Variants in SGCD observed in about 807,000 individuals in gnomAD.
The protein encoded by SGCD is delta-sarcoglycan.
SGCD carries 18 observed loss-of-function variants against 36.6 expected under a neutral mutation model. That is an observed-to-expected ratio of 0.49 (90% confidence interval 0.34 to 0.73). The LOEUF is 0.73. SGCD is among the 30% of genes least tolerant of loss of function. SGCD has a pLI of 0.01. For missense variants in SGCD, 387 were observed against 346.7 expected (o/e 1.12, Z -0.92); for synonymous variants, 133 against 130.6 (o/e 1.02, Z -0.12).
At chr5:156,667,904 C>T (rs894264463) in intron 7 of SGCD, among the ~76,000 whole-genome samples, 1 of 152,198 alleles carries the variant, frequency 6.6e-6, no homozygotes, top group South Asian at 2.1e-4. Flanking sequence ...ACCAAAAATT[C>T]TCTTTCAATT....
At chr5:155,875,105 A>G (rs1755737853) in intron 1 of SGCD, among the ~76,000 whole-genome samples, 1 of 152,174 alleles carries the variant, frequency 6.6e-6, no homozygotes, top group Admixed American at 6.6e-5. Flanking sequence ...TGCAAGCAAT[A>G]GCATGGAGGA....
intron 1 of SGCD, among the ~76,000 whole-genome samples, chr5:155,927,766 G>T (rs1368293445): frequency 6.6e-6 from 1 of 152,130 alleles, no homozygotes; most frequent in Non-Finnish European, 1.5e-5. Context: ...TTGTCTCAGA[G>T]TAATCTTTGA....
At chr5:155,887,709 A>G (rs1200281735) in intron 1 of SGCD, among the ~76,000 whole-genome samples, 1 of 152,206 alleles carries the variant, frequency 6.6e-6, no homozygotes, top group African/African-American at 2.4e-5. Context: ...GATGCTAGCT[A>G]TTATAGTTAT....
intron 4 of SGCD, among the ~76,000 whole-genome samples, chr5:156,576,822 T>G (rs1441784279): frequency 1.3e-5 from 2 of 152,222 alleles, no homozygotes; most frequent in Non-Finnish European, 2.9e-5. Context: ...ATTAGCCTTT[T>G]GTTAGATGGG....
At chr5:156,402,209 T>A (rs934223725) in intron 3 of SGCD, among the ~76,000 whole-genome samples, 1 of 152,220 alleles carries the variant, frequency 6.6e-6, no homozygotes, top group Non-Finnish European at 1.5e-5. Context: ...CTGTTGTGCA[T>A]CATGTTGCTA....
Position 156,757,663 on chromosome 5 carries a change from AC to A in SGCD, c.660del (p.Cys221AlafsTer5). 1 of 1,609,480 alleles carries A rather than the reference AC, an allele frequency of 6.2e-7. No homozygotes were observed. Among genetic ancestry groups the A allele is most frequent in the Non-Finnish European group, 8.5e-7 (1 of 1,177,858 alleles). ...TGCAGAAGCTGGCAATATGGAAGCC[AC>A]CTGCAGGACAGAGCTGAGACTGGAA... Reference protein sequence around the residue: ...INAEAGNMEATCRTELRLESK... With the variant: ...INAEAGNMEAXCRTELRLESK... On this transcript the variant is annotated frameshift_variant, in exon 8 of 9. Transcript: ENST00000337851. LOFTEE classifies it high-confidence loss of function.
intron 4 of SGCD, among the ~76,000 whole-genome samples, chr5:156,528,062 G>T (rs1581121104): frequency 1.3e-5 from 2 of 152,168 alleles, no homozygotes; most frequent in African/African-American, 4.8e-5. Flanking sequence ...CTGTTTGTTT[G>T]TTTCCACTAT....
At chr5:156,004,035 CCATT>C (rs978266025) in intron 1 of SGCD, among the ~76,000 whole-genome samples, 3 of 152,128 alleles carry the variant, frequency 2.0e-5, no homozygotes, top group African/African-American at 7.2e-5. Context: ...TCAGAGAAGT[CCATT>C]CATATTTTGC....
chr5:156,012,290 A>G (rs1189804076), intron 1 of SGCD, among the ~76,000 whole-genome samples: 10 of 152,214 alleles, frequency 6.6e-5, no homozygotes, highest in Non-Finnish European at 1.5e-4. Flanking sequence ...ATTTGACTCC[A>G]TATCCTATCT....
At chr5:155,743,005 C>T in the SGCD span, among the ~76,000 whole-genome samples, 1 of 152,170 alleles carries the variant, frequency 6.6e-6, no homozygotes, top group East Asian at 1.9e-4. Context: ...TGGTTGGGGG[C>T]ACGGAGCTTC....
chr5:156,730,130 AGAATTTTTATTACCTTT>A (rs1755981497), intron 7 of SGCD, among the ~76,000 whole-genome samples: 1 of 152,206 alleles, frequency 6.6e-6, no homozygotes, highest in Non-Finnish European at 1.5e-5. Flanking sequence ...GTATATAATT[AGAATTTTTATTACCTTT>A]AAGATTCAGA....
chr5:156,300,237 T>A (rs1277552396), intron 3 of SGCD, among the ~76,000 whole-genome samples: 1 of 152,108 alleles, frequency 6.6e-6, no homozygotes, highest in African/African-American at 2.4e-5. Flanking sequence ...ATTTATTTAT[T>A]TATTTTTGTA....
At chr5:155,940,522 A>C (rs1354228626) in intron 1 of SGCD, among the ~76,000 whole-genome samples, 1 of 152,218 alleles carries the variant, frequency 6.6e-6, no homozygotes, top group Admixed American at 6.5e-5. Context: ...AAATAAATTA[A>C]TACACATAAA....
chr5:156,681,986 G>A (rs935242240), intron 7 of SGCD, among the ~76,000 whole-genome samples: 4 of 148,996 alleles, frequency 2.7e-5, no homozygotes, highest in African/African-American at 7.8e-5. Flanking sequence ...GCATAATGAA[G>A]GAGTTTACTG....
intron 3 of SGCD, among the ~76,000 whole-genome samples, chr5:156,347,647 T>C (rs10053922): frequency 5.6e-4 from 86 of 152,308 alleles, no homozygotes; most frequent in African/African-American, 2.0e-3. Context: ...ATCCCTTATT[T>C]TTGTGATTTT....
intron 3 of SGCD, among the ~76,000 whole-genome samples, chr5:156,261,827 G>T (rs985313537): frequency 2.0e-5 from 3 of 152,064 alleles, no homozygotes; most frequent in Admixed American, 1.3e-4. Flanking sequence ...AGGCTAATGT[G>T]TGTGTTTTGT....
intron 2 of SGCD, among the ~76,000 whole-genome samples, chr5:156,334,812 G>C (rs1768259030): frequency 6.6e-6 from 1 of 152,060 alleles, no homozygotes; most frequent in Non-Finnish European, 1.5e-5. Context: ...AACAGCGTCA[G>C]GGGAGGAACT....
At chr5:156,335,911 G>A (rs753425459) in intron 2 of SGCD, among the ~76,000 whole-genome samples, 11 of 152,138 alleles carry the variant, frequency 7.2e-5, no homozygotes, top group African/African-American at 9.7e-5. Context: ...TGCAGTAGTC[G>A]CGGGCACCTG....
the SGCD span, among the ~76,000 whole-genome samples, chr5:155,829,029 G>A: frequency 6.6e-6 from 1 of 151,738 alleles, no homozygotes; most frequent in East Asian, 1.9e-4. Context: ...TGCATGGTTC[G>A]GTCCTAATGG....
Sources: allele counts gnomAD v4.1 joint callset (sites outside exome capture counted in the v4.1 genomes callset), GRCh38; gene constraint gnomAD v4.1.1; transcripts MANE v1.5; gene names NCBI Gene and HGNC (gene_info 2026-07-23, HGNC 2026-07-21).